CFAP251: variants seen among roughly 807,000 people sequenced by gnomAD.
CFAP251 encodes cilia and flagella associated protein 251, also known as cilia- and flagella-associated protein 251.
Under a neutral mutation model 126.7 loss-of-function variants are expected in CFAP251, and 93 were observed. The ratio of observed to expected loss-of-function variants is 0.73; its 90% CI spans 0.62 to 0.87. CFAP251 has a LOEUF of 0.87. Ranked by LOEUF, CFAP251 falls within the 40% of genes least tolerant of loss-of-function variation. CFAP251 has a pLI of 0.00. For missense variants in CFAP251, 1,287 were observed against 1,389.2 expected, an observed-to-expected ratio of 0.93 and a Z score of 1.17; for synonymous variants, 503 against 506.9, an observed-to-expected ratio of 0.99 and a Z score of 0.10.
At chr12:121,967,865 A>C (rs530317591) in intron 16 of CFAP251, 141 bp from the exon 17 acceptor site, 14 of 750,636 alleles carry the variant, frequency 1.9e-5, no homozygotes, top group Non-Finnish European at 3.0e-5. Context: ...GCTACATTAA[A>C]TGTGGCTCTC....
chr12:121,976,700 A>G (rs960711550), intron 19 of CFAP251, among the ~76,000 whole-genome samples: 1 of 152,074 alleles, frequency 6.6e-6, no homozygotes, highest in Non-Finnish European at 1.5e-5. Flanking sequence ...TGAGCCCAGG[A>G]GTTTGAGAGC....
intron 10 of CFAP251, among the ~76,000 whole-genome samples, chr12:121,956,717 A>G (rs1017822599): frequency 6.6e-6 from 1 of 152,136 alleles, no homozygotes; most frequent in Non-Finnish European, 1.5e-5. Context: ...ACTGGTCTCG[A>G]ACTCCTGACC....
intron 21 of CFAP251, 82 bp downstream of exon 21, chr12:122,001,680 C>T (rs901722565): frequency 1.8e-5 from 19 of 1,050,598 alleles, no homozygotes; most frequent in East Asian, 9.8e-5. Flanking sequence ...TTCTCCTGAT[C>T]GGTGCAAGCC....
chr12:121,926,144 C>T (rs1449511671), intron 3 of CFAP251, among the ~76,000 whole-genome samples: 3 of 149,688 alleles, frequency 2.0e-5, no homozygotes, highest in East Asian at 2.0e-4. Context: ...GGATTACAGG[C>T]GTGAGCCACC....
chr12:121,923,772 C>A lies in CFAP251; in HGVS notation c.529C>A (p.Gln177Lys), dbSNP rs1422527875. ...ACAACAGATTAGTTCCCCTGAAAGG[C>A]AGCCCTCAGGAGAGCTTGAGGAGAA... Reference protein sequence around the residue: ...EEQQISSPERQPSGELEEKTD... With the variant: ...EEQQISSPERKPSGELEEKTD... The change falls in exon 3 of 22, where the codon CAG becomes AAG. Residue 177 changes from glutamine (Q) to lysine (K), a missense_variant. Physicochemically the swap from Gln to Lys is moderately conservative, Grantham distance 53 (BLOSUM62 1). Coordinates refer to ENST00000288912, the MANE Select transcript of CFAP251 (RefSeq NM_144668.6). 1.9e-6 allele frequency: 3 copies of A among 1,614,030 alleles called. No homozygotes were observed. In the African/African-American group the frequency reaches 4.0e-5, roughly 22 times the overall value.
chr12:121,932,682 A>C (rs1880739423), intron 4 of CFAP251: 1 of 152,242 alleles, frequency 6.6e-6, no homozygotes, highest in South Asian at 2.1e-4. Context: ...GCTGATGCCT[A>C]GATCAAAAAC....
At chr12:121,938,252 C>T (rs1346820088) in intron 5 of CFAP251, among the ~76,000 whole-genome samples, 1 of 151,918 alleles carries the variant, frequency 6.6e-6, no homozygotes, top group East Asian at 1.9e-4. Context: ...AGTGATCCGT[C>T]TGCCTTGGCC....
intron 7 of CFAP251, among the ~76,000 whole-genome samples, chr12:121,943,744 C>A (rs948589296): frequency 6.6e-6 from 1 of 152,066 alleles, no homozygotes; most frequent in South Asian, 2.1e-4. Flanking sequence ...CTTTTAAAAC[C>A]CTTTCATTTC....
chr12:121,975,474 G>C, intron 18 of CFAP251, 68 bp from the exon 19 acceptor site: 1 of 1,596,854 alleles, frequency 6.3e-7, no homozygotes, highest in South Asian at 1.1e-5. Flanking sequence ...AAATGTCCTT[G>C]AAGTGTTCAT....
intron 19 of CFAP251, among the ~76,000 whole-genome samples, chr12:121,994,331 T>TG (rs1293022058): frequency 7.4e-5 from 3 of 40,412 alleles, no homozygotes; most frequent in East Asian, 6.9e-4. Context: ...GGGAGGGAGG[T>TG]GGGGGGGGTC....
chr12:121,988,814 C>A (rs1025456879), intron 19 of CFAP251, among the ~76,000 whole-genome samples: 1 of 150,668 alleles, frequency 6.6e-6, no homozygotes, highest in Non-Finnish European at 1.5e-5. Flanking sequence ...CGGCTCACTG[C>A]AGCCTCTGCC....
At chr12:121,994,967 TAAAA>T (rs141645865) in intron 19 of CFAP251, among the ~76,000 whole-genome samples, 4 of 150,076 alleles carry the variant, frequency 2.7e-5, no homozygotes, top group African/African-American at 7.4e-5. Context: ...AAAAATAAAT[TAAAA>T]AAAAAATAAT....
chr12:121,928,640 A>ATATATATATATACGTATATATATACG (rs1880523206), intron 3 of CFAP251, among the ~76,000 whole-genome samples: 1 of 16,096 alleles, frequency 6.2e-5, no homozygotes, highest in Non-Finnish European at 1.1e-4. Flanking sequence ...ATATATACGT[A>ATATATATATATACGTATATATATACG]TATATATATA....
rs1317089877 is a variant in CFAP251, at chr12:121,954,464, CATG to C, written c.1535+132_1535+134del. ...TTGGGAGGCTGAGGTGGGAGGATCA[CATG>C]AGGCCAGAAGTTCAAGACCAGCCTG... On this transcript the variant is annotated intron_variant, in intron 10 of 21. Coordinates refer to ENST00000288912, the MANE Select transcript of CFAP251 (RefSeq NM_144668.6). 7 of 809,516 alleles carry C rather than the reference CATG, an allele frequency of 8.6e-6. No individual in the cohort carries two copies. The East Asian group carries it at 2.0e-4, about 23-fold the overall frequency. The allele number at this position is 809,516 out of a possible 1,614,324, so 50.1% of individuals were successfully genotyped here. A position where few individuals can be genotyped will look rare whatever the true frequency, so the allele number is the denominator to read the frequency against.
At chr12:121,963,971 T>G (rs1458950837) in intron 15 of CFAP251, among the ~76,000 whole-genome samples, 1 of 151,828 alleles carries the variant, frequency 6.6e-6, no homozygotes, top group Non-Finnish European at 1.5e-5. Flanking sequence ...CAGGAGAAGT[T>G]CGAAGGGAGA....
intron 19 of CFAP251, among the ~76,000 whole-genome samples, chr12:121,993,732 A>G (rs1882940013): frequency 7.0e-6 from 1 of 142,634 alleles, no homozygotes; most frequent in Admixed American, 7.0e-5. Context: ...TCTGCCTGGC[A>G]ACCACCCCGT....
At chr12:121,990,661 C>T (rs1240489704) in intron 19 of CFAP251, among the ~76,000 whole-genome samples, 1 of 152,184 alleles carries the variant, frequency 6.6e-6, no homozygotes, top group African/African-American at 2.4e-5. Flanking sequence ...CATCTTGGCA[C>T]TGAATCTTCT....
At chr12:121,951,352 C>G (rs1031367173) in intron 8 of CFAP251, 128 bp from the exon 9 acceptor site, 4 of 517,888 alleles carry the variant, frequency 7.7e-6, no homozygotes, top group Non-Finnish European at 1.0e-5. Context: ...ACAGCAAGTT[C>G]TCTTACCTGT....
Position 121,954,177 on chromosome 12 carries a change from CAAAT to C in CFAP251, c.1380_1383del (p.Gln460HisfsTer79). ...GTCCATCTTTCACTTGAATTTAACACAAATACTCTCAGCCACAATGGAAGGGAAG... is the reference window on the plus strand; with the variant it reads ...GTCCATCTTTCACTTGAATTTAACACACTCTCAGCCACAATGGAAGGGAAG... On this transcript the variant is annotated frameshift_variant, in exon 10 of 22. Coordinates refer to ENST00000288912, the MANE Select transcript of CFAP251 (RefSeq NM_144668.6). LOFTEE classifies it high-confidence loss of function. 3 of 1,614,130 alleles carry C rather than the reference CAAAT, an allele frequency of 1.9e-6. No homozygotes were observed. The highest frequency in any genetic ancestry group is 2.5e-6 in the Non-Finnish European group (3 of 1,180,026).
Sources: allele counts gnomAD v4.1 joint callset (sites outside exome capture counted in the v4.1 genomes callset), GRCh38; gene constraint gnomAD v4.1.1; transcripts MANE v1.5; gene names NCBI Gene and HGNC (gene_info 2026-07-23, HGNC 2026-07-21).